GSDME: variants seen among roughly 807,000 people sequenced by gnomAD.
GSDME encodes the protein gasdermin E.
In GSDME, 44 loss-of-function variants were observed where a neutral mutation model predicts 47.5. The observed-to-expected ratio is 0.93, with a 90% confidence interval of 0.73 to 1.19. The LOEUF (loss-of-function observed/expected upper bound fraction) is 1.19, where lower values mean the gene tolerates loss of function less well. Ranked by LOEUF, GSDME falls within the 50% of genes most tolerant of loss-of-function variation. The pLI, the probability that GSDME is intolerant of heterozygous loss-of-function variation, is 0.00. For synonymous variants in GSDME, 258 were observed against 252.8 expected (o/e 1.02, Z -0.20); for missense variants, 663 against 604.2 (o/e 1.10, Z -1.02).
rs1030373371 is a variant in GSDME at position 24,756,097 on chromosome 7, G to C, written c.-20+1299C>G. ...ATCATTTCTTTCTAAAATAAAAATCGGTATGTGAACGCAATGATGGTCATA... is the reference window on the plus strand; with the variant it reads ...ATCATTTCTTTCTAAAATAAAAATCCGTATGTGAACGCAATGATGGTCATA... On this transcript the variant is annotated intron_variant, in intron 1 of 9. Transcript: ENST00000645220. The surrounding 1 kb of genome is among the most constrained non-coding windows in gnomAD (Gnocchi z 4.2). 7.9e-5 allele frequency among the ~76,000 whole-genome samples: 12 copies of C among 152,178 alleles called. No homozygotes were observed. Among genetic ancestry groups the C allele is most frequent in the Admixed American group, 2.0e-4 (3 of 15,278 alleles).
intron 3 of GSDME, among the ~76,000 whole-genome samples, chr7:24,719,946 G>A (rs1336876613): frequency 2.0e-5 from 3 of 152,320 alleles, no homozygotes; most frequent in African/African-American, 7.2e-5. Flanking sequence ...TATGATGGGA[G>A]GAATGGTGAC....
Position 24,719,082 on chromosome 7 carries a change from C to T in GSDME, c.541G>A (p.Gly181Ser). Residue 181 changes from glycine (G) to serine (S), a missense_variant, in exon 4 of 10, where the codon GGT (glycine) becomes AGT (serine). Physicochemically the swap from Gly to Ser is moderately conservative, Grantham distance 56. Coordinates refer to ENST00000645220, the MANE Select transcript of GSDME (RefSeq NM_001127453.2). The stretch of plus-strand genomic sequence containing the variant: ...TTGGTCTGGATGCCCACGATGCCAC[C>T]ACACTTCTCCTCGACCTGCATGTGC... ...SEHMQVEEKC[G>S]GIVGIQTKTV... 2 of 1,613,430 alleles carry T rather than the reference C, an allele frequency of 1.2e-6. No individual in the cohort carries two copies. The highest frequency in any genetic ancestry group is 1.7e-6 in the Non-Finnish European group (2 of 1,180,028).
Position 24,744,260 on chromosome 7 carries a change from T to G in GSDME, c.404+302A>C, listed in dbSNP as rs1790578196. On this transcript the variant is annotated intron_variant, in intron 3 of 9. Transcript: ENST00000645220. The surrounding 1 kb of genome is among the most constrained non-coding windows in gnomAD (Gnocchi z 4.5). The stretch of plus-strand genomic sequence containing the variant: ...GGCTTCTAAAGTTAATATTCAAAAA[T>G]GCAGGACAGAGCATTTTTACCGTTC... 2.4e-6 allele frequency: 1 copy of G among 408,402 alleles called. No individual in the cohort carries two copies. The allele number at this position is 408,402 out of a possible 1,614,324, so 25.3% of individuals were successfully genotyped here.
In GSDME at chr7:24,757,028, AG is replaced by A. The variant is rs894766651; in HGVS notation, c.-20+367del. ...GAACACAAAGGATGAACGAATGGGGAGGGGGGGTTTGGGGGGTTGGGAGAAC... is the reference window on the plus strand; with the variant it reads ...GAACACAAAGGATGAACGAATGGGGAGGGGGGTTTGGGGGGTTGGGAGAAC... On this transcript the variant is annotated intron_variant, in intron 1 of 9. Transcript: ENST00000645220. The surrounding 1 kb of genome is among the most constrained non-coding windows in gnomAD (Gnocchi z 5.9). Among the ~76,000 whole-genome samples, 10 of 140,254 alleles carry A rather than the reference AG, an allele frequency of 7.1e-5. No homozygotes were observed. Among genetic ancestry groups the A allele is most frequent in the African/African-American group, 2.6e-4 (10 of 38,770 alleles). 92.0% of individuals were successfully genotyped at this position (140,254 alleles called of 152,430 possible).
chr7:24,706,370 C>A lies in GSDME; in HGVS notation c.997G>T (p.Asp333Tyr). 1.2e-6 allele frequency: 2 copies of A among 1,612,578 alleles called. No individual in the cohort carries two copies. The highest frequency in any genetic ancestry group is 1.7e-6 in the Non-Finnish European group (2 of 1,179,896). Residue 333 changes from aspartate to tyrosine, a missense_variant, in exon 8 of 10, where the codon GAC becomes TAC. Physicochemically the swap from Asp to Tyr is radical, Grantham distance 160. Coordinates refer to ENST00000645220, the MANE Select transcript of GSDME (RefSeq NM_001127453.2). ...LLMVLEPVCD[D>Y]LVSGLSPTVA... is the part of the protein sequence containing the mutation. ...GTGGGCGAGAGGCCGCTGACCAGGT[C>A]ATCGCACTGTAGGGCAGGGAAGAAG...
chr7:24,749,845 C>CT (rs1440341787), intron 1 of GSDME, 52 bp from the exon 2 acceptor site: 10 of 1,243,438 alleles, frequency 8.0e-6, no homozygotes, highest in African/African-American at 1.5e-5. Context: ...TATTTTGTGG[C>CT]TTTTTTCCCT....
rs1791018374 is a variant in GSDME at position 24,756,410 on chromosome 7, C to T, written c.-20+986G>A. On this transcript the variant is annotated intron_variant, in intron 1 of 9. Coordinates refer to ENST00000645220, the MANE Select transcript of GSDME (RefSeq NM_001127453.2). The surrounding 1 kb of genome is among the most constrained non-coding windows in gnomAD (Gnocchi z 4.2). ...GGGACCGTGGCTAGGGGGTTGGGCC[C>T]TTTCTCTCTCAGATCTACCTAATGG... Among the ~76,000 whole-genome samples the T allele has an allele frequency of 6.6e-6, 1 of 152,096 alleles. No individual in the cohort carries two copies. Among genetic ancestry groups the T allele is most frequent in the Admixed American group, 6.5e-5 (1 of 15,280 alleles).
the GSDME span, among the ~76,000 whole-genome samples, chr7:24,795,496 C>T: frequency 6.6e-6 from 1 of 152,222 alleles, no homozygotes; most frequent in East Asian, 1.9e-4. Context: ...AGGGGGTCTG[C>T]GTGAGAGGGT....
chr7:24,718,556 G>T (rs1343292618), intron 4 of GSDME, among the ~76,000 whole-genome samples: 5 of 152,208 alleles, frequency 3.3e-5, no homozygotes, highest in Non-Finnish European at 5.9e-5. Context: ...CATTTGGCCT[G>T]ATCAGTGCCT....
At chr7:24,708,585 C>G (rs1584053736) in intron 6 of GSDME, among the ~76,000 whole-genome samples, 1 of 151,980 alleles carries the variant, frequency 6.6e-6, no homozygotes, top group African/African-American at 2.4e-5. Flanking sequence ...CATGACTTCT[C>G]TAGAAGTAAA....
Position 24,712,117 on chromosome 7 carries a change from A to C in GSDME, c.698-1729T>G, listed in dbSNP as rs1042764108. Among the ~76,000 whole-genome samples, 19 of 152,320 alleles carry C rather than the reference A, an allele frequency of 1.2e-4. No individual in the cohort carries two copies. Among genetic ancestry groups the C allele is most frequent in the African/African-American group, 4.6e-4 (19 of 41,578 alleles). On this transcript the variant is annotated intron_variant, in intron 5 of 9. Transcript: ENST00000645220. The surrounding 1 kb of genome is among the most constrained non-coding windows in gnomAD (Gnocchi z 4.4). ...GCATTAATGATGCTCATAAAGATAG[A>C]ATGGAAAAGAAAAAGAAGAATGGCT... is the stretch of plus-strand genomic sequence containing the variant.
intron 1 of GSDME, among the ~76,000 whole-genome samples, chr7:24,750,586 C>A (rs1442959193): frequency 5.9e-5 from 9 of 152,276 alleles, no homozygotes; most frequent in Non-Finnish European, 1.3e-4. Context: ...ATACTCCAGT[C>A]TGGGTGACAG....
At chr7:24,771,013 T>C in the GSDME span, among the ~76,000 whole-genome samples, 36 of 151,602 alleles carry the variant, frequency 2.4e-4, no homozygotes, top group African/African-American at 8.2e-4. The surrounding 1 kb of genome is among the most constrained non-coding windows in gnomAD (Gnocchi z 4.1). Context: ...TTTCCCCAAA[T>C]TAACATCAGA....
At chr7:24,787,560 G>A in the GSDME span, among the ~76,000 whole-genome samples, 4 of 152,010 alleles carry the variant, frequency 2.6e-5, no homozygotes, top group Non-Finnish European at 5.9e-5. The surrounding 1 kb of genome is among the most constrained non-coding windows in gnomAD (Gnocchi z 5.0). Flanking sequence ...TGCTTATGTC[G>A]ATATACCTTT....
chr7:24,709,322 C>T (rs1440135006), intron 6 of GSDME, among the ~76,000 whole-genome samples: 3 of 152,224 alleles, frequency 2.0e-5, no homozygotes, highest in Non-Finnish European at 4.4e-5. Flanking sequence ...GGCCATTTTG[C>T]TGTGGTTCTA....
At chr7:24,792,298 T>C in the GSDME span, among the ~76,000 whole-genome samples, 1 of 152,212 alleles carries the variant, frequency 6.6e-6, no homozygotes, top group African/African-American at 2.4e-5. Flanking sequence ...CCTTGCTCTT[T>C]AATGGTCCAC....
Position 24,721,512 on chromosome 7 carries a change from G to C in GSDME, c.405-2294C>G, listed in dbSNP as rs561142213. On this transcript the variant is annotated intron_variant, in intron 3 of 9. Transcript: ENST00000645220. This position sits in a 1 kb window ranked among gnomAD's most constrained non-coding sequence, Gnocchi z 4.1. The stretch of plus-strand genomic sequence containing the variant: ...GCCACCTCTGCACCTAGGTTTTCTC[G>C]TGCATGAACTGTTGGTAACAGGGCC... Among the ~76,000 whole-genome samples the C allele has an allele frequency of 1.3e-5, 2 of 152,266 alleles. No homozygotes were observed. Among genetic ancestry groups the C allele is most frequent in the South Asian group, 4.1e-4 (2 of 4,828 alleles).
rs567588115 is a variant in GSDME, at chr7:24,708,426, A to G, written c.863-172T>C. 1.6e-3 allele frequency among the ~76,000 whole-genome samples: 237 copies of G among 152,330 alleles called. 1 individual carries two copies. The highest frequency in any genetic ancestry group is 5.3e-3 in the African/African-American group (221 of 41,590). ...AACATCAAGTTACAAGCCACCCTGC[A>G]TATTTTTCAATAACCAAAGGGAGGG... On this transcript the variant is annotated intron_variant, in intron 6 of 9. Coordinates refer to ENST00000645220, the MANE Select transcript of GSDME (RefSeq NM_001127453.2).
chr7:24,761,366 G>C (rs1275245681), upstream of GSDME, among the ~76,000 whole-genome samples: 1 of 152,216 alleles, frequency 6.6e-6, no homozygotes, highest in Non-Finnish European at 1.5e-5. The surrounding 1 kb of genome is among the most constrained non-coding windows in gnomAD (Gnocchi z 4.4). Context: ...CAAGATGAAG[G>C]CATCAGCAGA....
Sources: gnomAD v4.1 joint callset for allele counts (sites outside exome capture counted in the v4.1 genomes callset) on GRCh38, gnomAD v4.1.1 for gene constraint, Gnocchi (gnomAD v3.1) non-coding constraint, MANE v1.5 for transcripts, NCBI Gene and HGNC (gene_info 2026-07-23, HGNC 2026-07-21) for gene names.